Variants in SLA observed in about 807,000 individuals in gnomAD.
SLA encodes Src like adaptor.
A neutral mutation model predicts 30.3 loss-of-function variants in SLA; 16 were observed. The observed-to-expected ratio is 0.53, with a 90% CI of 0.36 to 0.80. The LOEUF (loss-of-function observed/expected upper bound fraction) is 0.80, where lower values mean the gene tolerates loss of function less well. Ranked by LOEUF, SLA falls within the 30% of genes least tolerant of loss-of-function variation. SLA has a pLI of 0.01. For synonymous variants in SLA, 143 were observed against 137.8 expected (o/e 1.04, Z -0.26); for missense variants, 310 against 345.2 (o/e 0.90, Z 0.81).
At chr8:133,085,543 G>C (rs1244647285) in intron 1 of SLA, among the ~76,000 whole-genome samples, 2 of 152,106 alleles carry the variant, frequency 1.3e-5, no homozygotes, top group Non-Finnish European at 2.9e-5. Context: ...AAATAAGCAA[G>C]GGATCTGAAT....
intron 1 of SLA, among the ~76,000 whole-genome samples, chr8:133,093,146 T>TTCTTTTCTTTTCTTTTCTTTTC (rs879559542): frequency 0.015 from 2,037 of 139,006 alleles, 48 homozygotes; most frequent in African/African-American, 0.05. Context: ...TTTCTTTTTT[T>TTCTTTTCTTTTCTTTTCTTTTC]TTTTTAATTT....
intron 3 of SLA, among the ~76,000 whole-genome samples, chr8:133,052,176 C>A (rs1406974147): frequency 9.2e-5 from 14 of 152,192 alleles, no homozygotes; most frequent in Non-Finnish European, 5.9e-5. Flanking sequence ...AGTCATAAGC[C>A]TCTTGGGCAG....
At chr8:133,050,764 A>G in intron 4 of SLA, 52 bp downstream of exon 4, 2 of 1,205,028 alleles carry the variant, frequency 1.7e-6, no homozygotes, top group South Asian at 2.4e-5. Context: ...TTTCTCCCAA[A>G]CCAAGTTTAT....
At chr8:133,062,026 A>G (rs1341669833) in intron 2 of SLA, among the ~76,000 whole-genome samples, 4 of 152,256 alleles carry the variant, frequency 2.6e-5, no homozygotes, top group African/African-American at 9.6e-5. Flanking sequence ...TCCGAAGACA[A>G]TGACCAGGCT....
intron 1 of SLA, among the ~76,000 whole-genome samples, chr8:133,087,013 T>C (rs1846670664): frequency 6.6e-6 from 1 of 151,664 alleles, no homozygotes; most frequent in South Asian, 2.1e-4. Context: ...AATGGATTGT[T>C]AGGTGAAAAA....
intron 8 of SLA, among the ~76,000 whole-genome samples, chr8:133,038,992 CTT>C (rs1837634202): frequency 6.6e-6 from 1 of 152,172 alleles, no homozygotes; most frequent in African/African-American, 2.4e-5. Context: ...ATTCTCCCTC[CTT>C]AGCCTCCTGA....
intron 6 of SLA, among the ~76,000 whole-genome samples, chr8:133,046,126 G>T (rs771860988): frequency 1.3e-5 from 2 of 152,190 alleles, no homozygotes; most frequent in African/African-American, 2.4e-5. Flanking sequence ...AATGCAAAAT[G>T]AAAGAATTGG....
Position 133,044,982 on chromosome 8 carries a change from A to G in SLA, c.484+2T>C. ...AATCACTCCATATTGTATGTCTCTT[A>G]CCAGAATAGTGGTTCACCAGGTCCT... On this transcript the variant is annotated splice_donor_variant, in intron 7 of 8. Transcript: ENST00000338087. LOFTEE classifies it high-confidence loss of function. The G allele has an allele frequency of 1.2e-6, 2 of 1,614,144 alleles. No homozygotes were observed. The highest frequency in any genetic ancestry group is 8.5e-7 in the Non-Finnish European group (1 of 1,179,964).
intron 1 of SLA, among the ~76,000 whole-genome samples, chr8:133,102,161 A>G (rs544648965): frequency 3.3e-5 from 5 of 152,370 alleles, no homozygotes; most frequent in African/African-American, 1.2e-4. Flanking sequence ...TCTTCAGATA[A>G]TTATACACAG....
At chr8:133,042,709 T>TTTTTTTTTTTTTTTG (rs1554706931) in intron 7 of SLA, among the ~76,000 whole-genome samples, 1 of 138,594 alleles carries the variant, frequency 7.2e-6, no homozygotes, top group African/African-American at 2.8e-5. Context: ...TTTTTTTTTT[T>TTTTTTTTTTTTTTTG]GTGAGATGGA....
chr8:133,092,658 T>C (rs941525360), intron 1 of SLA, among the ~76,000 whole-genome samples: 6 of 152,164 alleles, frequency 3.9e-5, no homozygotes, highest in Non-Finnish European at 7.4e-5. Flanking sequence ...CCAAGCCCAC[T>C]TCATCAGGGA....
chr8:133,090,327 G>A (rs1056463612), intron 1 of SLA, among the ~76,000 whole-genome samples: 1 of 152,210 alleles, frequency 6.6e-6, no homozygotes, highest in African/African-American at 2.4e-5. Flanking sequence ...GAACACCTGG[G>A]TTCAGGTTCT....
chr8:133,101,530 C>T (rs1849251004), intron 1 of SLA, among the ~76,000 whole-genome samples: 1 of 152,182 alleles, frequency 6.6e-6, no homozygotes, highest in South Asian at 2.1e-4. Flanking sequence ...GATACCCACC[C>T]AGCCCCTCCT....
chr8:133,060,476 G>A (rs1842212440), intron 2 of SLA: 2 of 1,005,242 alleles, frequency 2.0e-6, no homozygotes, highest in African/African-American at 1.7e-5. Flanking sequence ...CCTTGCTGAG[G>A]ATGGTAAGCA....
chr8:133,094,549 G>A (rs117440370), intron 1 of SLA: 12 of 201,730 alleles, frequency 5.9e-5, no homozygotes, highest in Non-Finnish European at 1.1e-4. Context: ...TTTTGATGAA[G>A]CAATTTACCC....
intron 1 of SLA, among the ~76,000 whole-genome samples, chr8:133,077,735 ATGTGTGTGTGTGTG>A (rs34749093): frequency 6.8e-6 from 1 of 148,062 alleles, no homozygotes; most frequent in African/African-American, 2.5e-5. Context: ...TCTGGTGTGT[ATGTGTGTGTGTGTG>A]TGTGTGTGTG....
Position 133,036,960 on chromosome 8 carries a change from C to T in SLA, c.*1564G>A, listed in dbSNP as rs538292115. On this transcript the variant is annotated 3_prime_UTR_variant, in exon 9 of 9. Coordinates refer to ENST00000338087, the MANE Select transcript of SLA (RefSeq NM_001045556.3). Reference sequence around the variant, plus strand: ...CACAGTGTTACATTCATTTCTCATACGTTGGCTGGTTCCTTTGAAATAGCC... The same window carrying T: ...CACAGTGTTACATTCATTTCTCATATGTTGGCTGGTTCCTTTGAAATAGCC... 3.4e-4 allele frequency: 52 copies of T among 152,476 alleles called. No individual in the cohort carries two copies. Among genetic ancestry groups the T allele is most frequent in the African/African-American group, 1.1e-3 (47 of 41,574 alleles). The allele number at this position is 152,476 out of a possible 1,614,324, so 9.4% of individuals were successfully genotyped here. A position where few individuals can be genotyped will look rare whatever the true frequency, so the allele number is the denominator to read the frequency against.
At chr8:133,052,512 C>G (rs567146118) in intron 3 of SLA, among the ~76,000 whole-genome samples, 11 of 152,160 alleles carry the variant, frequency 7.2e-5, no homozygotes, top group African/African-American at 2.7e-4. Flanking sequence ...CTGCTGCAGA[C>G]CTTCCCCAAA....
At chr8:133,041,552 G>A (rs1192624491) in intron 7 of SLA, among the ~76,000 whole-genome samples, 1 of 152,186 alleles carries the variant, frequency 6.6e-6, no homozygotes, top group Non-Finnish European at 1.5e-5. Flanking sequence ...CCCAGGATAT[G>A]AGGCGAGGAA....
Sources: allele counts gnomAD v4.1 joint callset (sites outside exome capture counted in the v4.1 genomes callset), GRCh38; gene constraint gnomAD v4.1.1; transcripts MANE v1.5; gene names NCBI Gene and HGNC (gene_info 2026-07-23, HGNC 2026-07-21).